WNT16: variants seen among roughly 807,000 people sequenced by gnomAD.
WNT16 encodes the protein Wnt family member 16.
In WNT16, 20 loss-of-function variants were observed where a neutral mutation model predicts 35.4. The ratio of observed to expected loss-of-function variants is 0.56; its 90% CI spans 0.40 to 0.82. The LOEUF is 0.82. Ranked by LOEUF, WNT16 falls within the 40% of genes least tolerant of loss-of-function variation. The pLI is 0.00. For synonymous variants in WNT16, 180 were observed against 179.2 expected (o/e 1.00, Z -0.03); for missense variants, 461 against 466.0 (o/e 0.99, Z 0.10).
chr7:121,333,260 C>T (rs923881938), intron 3 of WNT16, among the ~76,000 whole-genome samples: 2 of 151,852 alleles, frequency 1.3e-5, no homozygotes, highest in African/African-American at 2.4e-5. Flanking sequence ...ATAAATGGAA[C>T]GCATTTAGAA....
intron 3 of WNT16, among the ~76,000 whole-genome samples, chr7:121,338,422 G>A (rs1793473845): frequency 6.6e-6 from 1 of 152,196 alleles, no homozygotes; most frequent in Non-Finnish European, 1.5e-5. Flanking sequence ...TAGGTCTGGA[G>A]TGGGGCCTGA....
intron 2 of WNT16, among the ~76,000 whole-genome samples, chr7:121,331,329 T>G (rs1356936847): frequency 6.6e-6 from 1 of 152,224 alleles, no homozygotes; most frequent in Non-Finnish European, 1.5e-5. Flanking sequence ...ATGCAAAGAA[T>G]TTTTAATTCA....
chr7:121,328,640 C>T (rs1562874256), upstream of WNT16, among the ~76,000 whole-genome samples: 1 of 152,318 alleles, frequency 6.6e-6, no homozygotes, highest in South Asian at 2.1e-4. Flanking sequence ...ATTTTCCAGC[C>T]ACTACACCCA....
intron 3 of WNT16, among the ~76,000 whole-genome samples, chr7:121,332,827 G>A (rs1254961600): frequency 2.0e-5 from 3 of 151,898 alleles, no homozygotes; most frequent in African/African-American, 7.2e-5. Flanking sequence ...TACAGAGGTG[G>A]TACATTTGAA....
chr7:121,339,391 G>C lies in WNT16; in HGVS notation c.*46G>C. 6.5e-7 allele frequency: 1 copy of C among 1,549,872 alleles called. No homozygotes were observed. Among genetic ancestry groups the C allele is most frequent in the African/African-American group, 1.3e-5 (1 of 74,076 alleles). On this transcript the variant is annotated 3_prime_UTR_variant, in exon 4 of 4. Transcript: ENST00000222462. ...CAAGATGCCTCAGCAATATACAATG[G>C]CATTGCAACCAGAGAGGTGCCCATC...
intron 1 of WNT16, 74 bp from the exon 2 acceptor site, chr7:121,329,493 C>T (rs184758645): frequency 5.6e-6 from 9 of 1,598,024 alleles, no homozygotes; most frequent in Non-Finnish European, 7.7e-6. Context: ...GACCCTTAGA[C>T]GAGTGACCTA....
At chr7:121,329,945 TGC>T in intron 2 of WNT16, 128 bp downstream of exon 2, 1 of 1,385,508 alleles carries the variant, frequency 7.2e-7, no homozygotes, top group Non-Finnish European at 9.6e-7. Flanking sequence ...AGCCCTTTAG[TGC>T]ACGGGGATTG....
upstream of WNT16, among the ~76,000 whole-genome samples, chr7:121,326,505 T>G (rs1382773033): frequency 1.3e-5 from 2 of 152,168 alleles, no homozygotes. Flanking sequence ...ACCCTCTGAG[T>G]GCACCCCAAA....
At position 121,339,473 on chromosome 7, in the gene WNT16, TGA is replaced by T; in HGVS notation, c.*132_*133del. 1 of 801,318 alleles carries T rather than the reference TGA, an allele frequency of 1.2e-6. No homozygotes were observed. The highest frequency in any genetic ancestry group is 3.7e-4 in the Middle Eastern group (1 of 2,712). 49.6% of individuals were successfully genotyped at this position (801,318 alleles called of 1,614,324 possible). On this transcript the variant is annotated 3_prime_UTR_variant, in exon 4 of 4. Transcript: ENST00000222462. The stretch of plus-strand genomic sequence containing the variant: ...AGTGGAATCCCTAGAACCTTGGACC[TGA>T]GAGTTTCCCTTACCTGATCGACATA...
intron 3 of WNT16, among the ~76,000 whole-genome samples, chr7:121,335,238 C>T (rs2116840401): frequency 6.6e-6 from 1 of 152,166 alleles, no homozygotes; most frequent in East Asian, 1.9e-4. Context: ...AAACAATCGC[C>T]AACTGCCACA....
At chr7:121,338,442 T>C (rs921412800) in intron 3 of WNT16, among the ~76,000 whole-genome samples, 4 of 152,168 alleles carry the variant, frequency 2.6e-5, no homozygotes, top group African/African-American at 9.7e-5. Flanking sequence ...AGAGTCTGCA[T>C]ATCTCACAAG....
upstream of WNT16, among the ~76,000 whole-genome samples, chr7:121,327,634 G>A (rs141068676): frequency 2.1e-3 from 320 of 152,248 alleles, 1 homozygote; most frequent in African/African-American, 6.9e-3. Flanking sequence ...ACAGGTGTGA[G>A]CCACTGCACC....
rs1285414650 is a variant in WNT16 at position 121,331,593 on chromosome 7, A to G, written c.347-85A>G. On this transcript the variant is annotated intron_variant, in intron 2 of 3. Coordinates refer to ENST00000222462, the MANE Select transcript of WNT16 (RefSeq NM_057168.2). ...TAAGCAACTGAAAAATTACTTGTCC[A>G]GTAAGATCATGAGTAGGAGGCTTTC... is the stretch of plus-strand genomic sequence containing the variant. 6 of 1,288,936 alleles carry G rather than the reference A, an allele frequency of 4.7e-6. No homozygotes were observed. The East Asian group carries it at 1.5e-4, about 31-fold the overall frequency. The allele number at this position is 1,288,936 out of a possible 1,614,324, so 79.8% of individuals were successfully genotyped here.
At position 121,341,069 on chromosome 7, in the gene WNT16, C is replaced by G. The variant is rs555862893; in HGVS notation, c.*1724C>G. On this transcript the variant is annotated 3_prime_UTR_variant, in exon 4 of 4. Transcript: ENST00000222462. Reference sequence around the variant, plus strand: ...CAAACCCATGGAAAATGTCTCAGATCTAATATTAAAATCAAGACTAAGCAT... The same window carrying G: ...CAAACCCATGGAAAATGTCTCAGATGTAATATTAAAATCAAGACTAAGCAT... 1 of 152,034 alleles carries G rather than the reference C, an allele frequency of 6.6e-6. No homozygotes were observed. Among genetic ancestry groups the G allele is most frequent in the Non-Finnish European group, 1.5e-5 (1 of 67,994 alleles). The allele number at this position is 152,034 out of a possible 1,614,324, so 9.4% of individuals were successfully genotyped here. A position where few individuals can be genotyped will look rare whatever the true frequency, so the allele number is the denominator to read the frequency against.
chr7:121,332,634 C>A (rs529437805), intron 3 of WNT16, among the ~76,000 whole-genome samples: 48 of 152,094 alleles, frequency 3.2e-4, no homozygotes, highest in African/African-American at 8.2e-4. Context: ...TTCTAGCAAA[C>A]CTTCTTTGGT....
intron 3 of WNT16, among the ~76,000 whole-genome samples, chr7:121,338,646 C>T (rs957080177): frequency 8.5e-5 from 13 of 152,182 alleles, no homozygotes; most frequent in African/African-American, 2.9e-4. Flanking sequence ...TTAAGTACAG[C>T]TTGGAAAGCT....
rs1423868279 is a variant in WNT16 at position 121,339,083 on chromosome 7, T to C, written c.836T>C (p.Ile279Thr). Reference sequence around the variant, plus strand: ...GAAAAAGATCAGAGGAAAATACCAATCCATAAGGATGATCTGCTCTATGTT... The same window carrying C: ...GAAAAAGATCAGAGGAAAATACCAACCCATAAGGATGATCTGCTCTATGTT... ...RREKDQRKIP[I>T]HKDDLLYVNK... Residue 279 changes from isoleucine to threonine, a missense_variant, in exon 4 of 4, where the codon ATC (isoleucine) becomes ACC (threonine). Transcript: ENST00000222462. 1 of 1,614,086 alleles carries C rather than the reference T, an allele frequency of 6.2e-7. No homozygotes were observed. Among genetic ancestry groups the C allele is most frequent in the Admixed American group, 1.7e-5 (1 of 59,998 alleles).
Position 121,329,797 on chromosome 7 carries a change from T to C in WNT16, c.326T>C (p.Phe109Ser), listed in dbSNP as rs1468224649. ...GCCCCGATGGGCGCCAGCCCCCTCT[T>C]TGGCTACGAGCTGAGCAGCGGTGAG... ...TTAPMGASPL[F>S]GYELSSGTKE... Residue 109 changes from phenylalanine (F) to serine (S), a missense_variant, in exon 2 of 4, where the codon TTT (phenylalanine) becomes TCT (serine). Physicochemically the swap from Phe to Ser is radical, Grantham distance 155. Transcript: ENST00000222462. 1 of 1,604,716 alleles carries C rather than the reference T, an allele frequency of 6.2e-7. No homozygotes were observed. The highest frequency in any genetic ancestry group is 8.5e-7 in the Non-Finnish European group (1 of 1,179,990).
intron 3 of WNT16, among the ~76,000 whole-genome samples, chr7:121,334,310 G>T (rs1023456987): frequency 2.0e-5 from 3 of 151,888 alleles, no homozygotes; most frequent in African/African-American, 7.3e-5. Flanking sequence ...TAGGTACTAT[G>T]CTGGTGTTTT....
Sources: allele counts gnomAD v4.1 joint callset (sites outside exome capture counted in the v4.1 genomes callset), GRCh38; gene constraint gnomAD v4.1.1; transcripts MANE v1.5; gene names NCBI Gene and HGNC (gene_info 2026-07-23, HGNC 2026-07-21).